SLC1A6: variants seen among roughly 807,000 people sequenced by gnomAD.
SLC1A6 encodes the protein solute carrier family 1 member 6, also known as excitatory amino acid transporter 4.
SLC1A6 carries 15 observed loss-of-function variants against 42.1 expected under a neutral mutation model. That is an observed-to-expected ratio of 0.36 (90% CI 0.24 to 0.55). SLC1A6 has a LOEUF of 0.55. SLC1A6 is among the 20% of genes least tolerant of loss of function. The probability of loss-of-function intolerance (pLI) is 0.88; values close to 1 mark genes in which losing one functional copy is unlikely to be tolerated. For synonymous variants in SLC1A6, 317 were observed against 319.7 expected (o/e 0.99, Z 0.09); for missense variants, 542 against 772.5 (o/e 0.70, Z 3.54).
At chr19:14,951,366 G>C (rs980752546) in intron 9 of SLC1A6, among the ~76,000 whole-genome samples, 1 of 152,046 alleles carries the variant, frequency 6.6e-6, no homozygotes, top group Non-Finnish European at 1.5e-5. Flanking sequence ...GTAAACCAGG[G>C]CAGGCCTGAG....
chr19:14,955,144 A>C (rs2045450178), intron 7 of SLC1A6, among the ~76,000 whole-genome samples: 2 of 152,166 alleles, frequency 1.3e-5, no homozygotes, highest in African/African-American at 4.8e-5. Context: ...TACGGTTGGA[A>C]TCCTGGACTC....
intron 1 of SLC1A6, among the ~76,000 whole-genome samples, chr19:15,006,824 T>C (rs1193191950): frequency 6.6e-6 from 1 of 151,224 alleles, no homozygotes; most frequent in Non-Finnish European, 1.5e-5. Context: ...TGGTGGCACA[T>C]GCCCGTAGTC....
At chr19:14,991,043 T>C (rs149671090) in intron 1 of SLC1A6, among the ~76,000 whole-genome samples, 258 of 152,284 alleles carry the variant, frequency 1.7e-3, no homozygotes, top group Non-Finnish European at 3.3e-3. Flanking sequence ...TTAAATAAAA[T>C]TTTAAAATAA....
At chr19:14,967,564 A>AT (rs2045588171) in intron 4 of SLC1A6, among the ~76,000 whole-genome samples, 1 of 152,220 alleles carries the variant, frequency 6.6e-6, no homozygotes, top group Non-Finnish European at 1.5e-5. Context: ...AACAGAAATC[A>AT]TAAGACTGAT....
chr19:14,984,115 G>C (rs1385996352), upstream of SLC1A6, among the ~76,000 whole-genome samples: 1 of 152,086 alleles, frequency 6.6e-6, no homozygotes, highest in African/African-American at 2.4e-5. Context: ...TTTGAGACCA[G>C]CCTGACAAAT....
intron 7 of SLC1A6, 89 bp from the exon 8 acceptor site, chr19:14,954,418 A>T: frequency 8.3e-7 from 1 of 1,200,908 alleles, no homozygotes; most frequent in Non-Finnish European, 1.2e-6. Context: ...GGCAGGGCAG[A>T]GAATGGGGCG....
intron 5 of SLC1A6, chr19:14,963,909 G>C (rs976861257): frequency 2.5e-5 from 4 of 158,448 alleles, no homozygotes; most frequent in African/African-American, 7.3e-5. Flanking sequence ...GACCACTGGA[G>C]CCTTGATCTC....
chr19:14,950,058 T>C lies in SLC1A6; in HGVS notation c.*137A>G. On this transcript the variant is annotated 3_prime_UTR_variant, in exon 10 of 10. Coordinates refer to ENST00000594383, the MANE Select transcript of SLC1A6 (RefSeq NM_005071.3). ...TACCTTTCATTCCTGCTCCTTTATT[T>C]CACTTTTCCCTCCCCCCTAAATGAG... is the stretch of plus-strand genomic sequence containing the variant. The C allele has an allele frequency of 1.8e-6, 1 of 547,252 alleles. No individual in the cohort carries two copies. Among genetic ancestry groups the C allele is most frequent in the South Asian group, 3.5e-5 (1 of 28,902 alleles). 33.9% of individuals were successfully genotyped at this position (547,252 alleles called of 1,614,324 possible).
At chr19:14,966,575 T>C (rs952478355) in intron 4 of SLC1A6, among the ~76,000 whole-genome samples, 2 of 152,172 alleles carry the variant, frequency 1.3e-5, no homozygotes, top group African/African-American at 4.8e-5. Context: ...GTTAATTTTT[T>C]AAAAAATCGT....
chr19:14,990,790 A>ACG (rs1555709875), intron 1 of SLC1A6, among the ~76,000 whole-genome samples: 1 of 107,308 alleles, frequency 9.3e-6, no homozygotes, highest in African/African-American at 3.2e-5. Flanking sequence ...ACAAAACAAA[A>ACG]AAAAAAAAAA....
intron 1 of SLC1A6, among the ~76,000 whole-genome samples, chr19:14,984,982 A>G (rs1210269348): frequency 3.3e-5 from 5 of 152,142 alleles, no homozygotes; most frequent in Non-Finnish European, 1.5e-5. Context: ...CCTGGGTTCA[A>G]ACAATTCTCC....
intron 1 of SLC1A6, among the ~76,000 whole-genome samples, chr19:15,008,310 A>C (rs2045906420): frequency 6.6e-6 from 1 of 152,052 alleles, no homozygotes; most frequent in African/African-American, 2.4e-5. Context: ...CCCCCACTGC[A>C]CTCCAGCCTG....
intron 1 of SLC1A6, among the ~76,000 whole-genome samples, chr19:14,990,067 A>G (rs902679103): frequency 4.6e-5 from 7 of 152,148 alleles, no homozygotes; most frequent in Non-Finnish European, 1.0e-4. Flanking sequence ...CAGTCCCACT[A>G]CTGGATATGT....
At chr19:14,993,184 C>T (rs890721227) in intron 1 of SLC1A6, among the ~76,000 whole-genome samples, 2 of 152,098 alleles carry the variant, frequency 1.3e-5, no homozygotes, top group East Asian at 1.9e-4. Flanking sequence ...CAGGATACCC[C>T]CTCCCAAATT....
chr19:14,975,131 A>T (rs1342246696), intron 1 of SLC1A6: 1 of 132,790 alleles, frequency 7.5e-6, no homozygotes, highest in African/African-American at 2.9e-5. Flanking sequence ...GAATTGTATT[A>T]GAGGCTGGGA....
chr19:14,995,904 AAT>A (rs2045843926), intron 1 of SLC1A6, among the ~76,000 whole-genome samples: 1 of 152,184 alleles, frequency 6.6e-6, no homozygotes, highest in Non-Finnish European at 1.5e-5. Flanking sequence ...ATTAGACAGC[AAT>A]ATCATTGATG....
intron 1 of SLC1A6, among the ~76,000 whole-genome samples, chr19:15,005,525 CA>C (rs1009141684): frequency 2.6e-5 from 4 of 151,838 alleles, no homozygotes; most frequent in Admixed American, 1.3e-4. Flanking sequence ...AACAAAAAAA[CA>C]AAAAAACCAG....
At chr19:14,995,877 T>C (rs879078077) in intron 1 of SLC1A6, among the ~76,000 whole-genome samples, 1 of 152,076 alleles carries the variant, frequency 6.6e-6, no homozygotes, top group Admixed American at 6.6e-5. Context: ...AGGAGCTAGG[T>C]TACCCCGGAA....
At chr19:14,989,944 T>A (rs546670242) in intron 1 of SLC1A6, among the ~76,000 whole-genome samples, 7 of 151,584 alleles carry the variant, frequency 4.6e-5, no homozygotes, top group Non-Finnish European at 1.0e-4. Flanking sequence ...GTGAGCCAAG[T>A]TCATGCCACT....
Sources: allele counts gnomAD v4.1 joint callset (sites outside exome capture counted in the v4.1 genomes callset), GRCh38; gene constraint gnomAD v4.1.1; transcripts MANE v1.5; gene names NCBI Gene and HGNC (gene_info 2026-07-23, HGNC 2026-07-21).